Variants in SPIN2A observed in about 807,000 individuals in gnomAD.
SPIN2A encodes the protein spindlin family member 2A.
Under a neutral mutation model 9.2 loss-of-function variants are expected in SPIN2A, and 4 were observed. The ratio of observed to expected loss-of-function variants is 0.44; its 90% confidence interval spans 0.21 to 1.00. The LOEUF (loss-of-function observed/expected upper bound fraction) is 1.00, where lower values mean the gene tolerates loss of function less well. SPIN2A is among the 50% of genes least tolerant of loss of function. The pLI is 0.26. For missense variants in SPIN2A, 77 were observed against 172.8 expected (o/e 0.45, Z 3.11); for synonymous variants, 25 against 61.2 (o/e 0.41, Z 2.76).
chrX:57,139,945 T>C (rs1016976592), upstream of SPIN2A, among the ~76,000 whole-genome samples: 1 of 112,246 alleles, frequency 8.9e-6, no homozygotes, highest in African/African-American at 3.2e-5. Flanking sequence ...TGTAGATAAC[T>C]TGGAGTAGTA....
At chrX:57,139,673 C>T (rs922884834), upstream of SPIN2A, among the ~76,000 whole-genome samples, 1 of 111,339 alleles carries the variant, frequency 9.0e-6, no homozygotes, top group Non-Finnish European at 1.9e-5. Flanking sequence ...CCAGGATGGT[C>T]TCGATCTCCT....
upstream of SPIN2A, among the ~76,000 whole-genome samples, chrX:57,139,730 A>G (rs367877785): frequency 1.7e-3 from 195 of 111,964 alleles, 2 homozygotes; most frequent in African/African-American, 6.1e-3. Context: ...CTGGGATTAC[A>G]AGTGTGAGCC....
downstream of SPIN2A, chrX:57,135,567 T>G: frequency 8.0e-6 from 4 of 502,101 alleles, no homozygotes; most frequent in Non-Finnish European, 9.5e-6. Flanking sequence ...CAGCCGAAAT[T>G]GACAGCTGTT....
chrX:57,138,404 G>A (rs1484841824), upstream of SPIN2A, among the ~76,000 whole-genome samples: 2 of 109,680 alleles, frequency 1.8e-5, no homozygotes, highest in Non-Finnish European at 3.8e-5. Flanking sequence ...TTAATCTATG[G>A]TGGAATAATA....
upstream of SPIN2A, chrX:57,137,398 C>G (rs1331494267): frequency 1.6e-5 from 12 of 740,467 alleles, no homozygotes; most frequent in Non-Finnish European, 1.9e-5. Flanking sequence ...AGGCAAAGAG[C>G]ACTGCAGCGG....
At chrX:57,143,948 T>G in the SPIN2A span, among the ~76,000 whole-genome samples, 94 of 112,219 alleles carry the variant, frequency 8.4e-4, 1 homozygote, top group African/African-American at 2.9e-3. Flanking sequence ...CCTTTCAGAT[T>G]GAAGAACACA....
At position 57,136,016 on chromosome X, in the gene SPIN2A, C is replaced by G. The variant is rs1420933391; in HGVS notation, c.582G>C (p.Glu194Asp). The change falls in exon 2 of 2, where the codon GAG (glutamate) becomes GAC (aspartate). Residue 194 changes from glutamate to aspartate, a missense_variant. Glu to Asp is a conservative substitution (Grantham distance 45, BLOSUM62 2). Around this residue, in one of 4 missense-constraint regions of SPIN2A, gnomAD observed 7 missense variants for 32.0 expected, o/e 0.22. Transcript: ENST00000374906. The stretch of plus-strand genomic sequence containing the variant: ...CTGGCTCCCTCTCTGTTGGAGGAGA[C>G]TCACTGGATTCTGGCATGATGCGGA... ...GDLRIMPESS[E>D]SPPTEREPGG... 1 of 1,202,079 alleles carries G rather than the reference C, an allele frequency of 8.3e-7. No individual in the cohort carries two copies. The highest frequency in any genetic ancestry group is 1.8e-5 in the African/African-American group (1 of 55,065).
chrX:57,136,929 C>CG, intron 1 of SPIN2A: 1 of 759,380 alleles, frequency 1.3e-6, no homozygotes, highest in Non-Finnish European at 1.8e-6. Flanking sequence ...CCCTGCAAAG[C>CG]GGCCTTGACC....
chrX:57,145,261 G>A, the SPIN2A span, among the ~76,000 whole-genome samples: 11 of 106,804 alleles, frequency 1.0e-4, no homozygotes, highest in Non-Finnish European at 2.1e-4. Context: ...TTTGGGGGGG[G>A]GTAAGGTGGT....
chrX:57,138,539 C>T (rs1003892517), upstream of SPIN2A, among the ~76,000 whole-genome samples: 1 of 110,674 alleles, frequency 9.0e-6, no homozygotes, highest in Non-Finnish European at 1.9e-5. Flanking sequence ...GCAGATAGCT[C>T]GTTGATATGC....
Position 57,136,583 on chromosome X carries a change from G to C in SPIN2A, c.15C>G (p.Asn5Lys). Reference sequence around the variant, plus strand: ...TTTGTTGCCCTTCGGCTTCCTGTGCGTTGGGGGTCTTCATGCCTGCTGGGG... The same window carrying C: ...TTTGTTGCCCTTCGGCTTCCTGTGCCTTGGGGGTCTTCATGCCTGCTGGGG... MKTPNAQEAEGQQTR... is the reference protein window; with the variant it reads MKTPKAQEAEGQQTR... Residue 5 changes from asparagine (N) to lysine (K), a missense_variant, in exon 2 of 2, where the codon AAC becomes AAG. This residue lies in a region of SPIN2A where 17 missense variants were observed against 73.2 expected (regional missense o/e 0.23). Coordinates refer to ENST00000374906, the MANE Select transcript of SPIN2A (RefSeq NM_019003.5). The C allele has an allele frequency of 5.0e-6, 2 of 400,092 alleles. No homozygotes were observed. Among genetic ancestry groups the C allele is most frequent in the Non-Finnish European group, 8.1e-6 (2 of 246,051 alleles). 33.0% of individuals were successfully genotyped at this position (400,092 alleles called of 1,213,427 possible). A position where few individuals can be genotyped will look rare whatever the true frequency, so the allele number is the denominator to read the frequency against.
upstream of SPIN2A, among the ~76,000 whole-genome samples, chrX:57,141,479 T>C (rs1410929425): frequency 2.7e-5 from 3 of 111,999 alleles, no homozygotes; most frequent in African/African-American, 3.2e-5. Context: ...TCCTATTTGA[T>C]TTTTTGGAAT....
chrX:57,139,154 CAA>C (rs1163675330), upstream of SPIN2A, among the ~76,000 whole-genome samples: 1 of 111,914 alleles, frequency 8.9e-6, no homozygotes, highest in Non-Finnish European at 1.9e-5. Context: ...AGCTTTTTCC[CAA>C]AGTTTTCTTC....
In SPIN2A at chrX:57,136,586, G is replaced by A; in HGVS notation, c.12C>T (p.Pro4=). The change falls in exon 2 of 2, where the codon CCC becomes CCT. Residue 4 remains proline (P), a synonymous_variant. Transcript: ENST00000374906. ...GTTGCCCTTCGGCTTCCTGTGCGTT[G>A]GGGGTCTTCATGCCTGCTGGGGGAG... is the stretch of plus-strand genomic sequence containing the variant. MKT[P]NAQEAEGQQT... 1 of 398,977 alleles carries A rather than the reference G, an allele frequency of 2.5e-6. No homozygotes were observed. The highest frequency in any genetic ancestry group is 5.4e-5 in the Admixed American group (1 of 18,374). 32.9% of individuals were successfully genotyped at this position (398,977 alleles called of 1,213,427 possible).
the SPIN2A span, among the ~76,000 whole-genome samples, chrX:57,144,115 C>T: frequency 8.9e-6 from 1 of 112,037 alleles, no homozygotes; most frequent in Non-Finnish European, 1.9e-5. Flanking sequence ...TTTCCTTCTG[C>T]ACTTTCAATA....
chrX:57,135,501 C>G (rs1325083733), downstream of SPIN2A: 2 of 311,388 alleles, frequency 6.4e-6, no homozygotes, highest in Non-Finnish European at 1.1e-5. Context: ...ACCAGACCAG[C>G]TAAATCCAGT....
Position 57,136,089 on chromosome X carries a change from G to T in SPIN2A, c.509C>A (p.Pro170His), listed in dbSNP as rs146238797. The change falls in exon 2 of 2, where the codon CCT becomes CAT. Residue 170 changes from proline (P) to histidine (H), a missense_variant. Around this residue, in one of 4 missense-constraint regions of SPIN2A, gnomAD observed 7 missense variants for 32.0 expected, o/e 0.22. Transcript: ENST00000374906. ...TAGAAGCTGGTACATGTACAAGACA[G>T]GATCTTTCTCATAGGTAATATAAAA... is the stretch of plus-strand genomic sequence containing the variant. ...AWFYITYEKD[P>H]VLYMYQLLDD... 4.2e-5 allele frequency: 51 copies of T among 1,201,359 alleles called. No individual in the cohort carries two copies. In the African/African-American group the frequency reaches 8.9e-4, roughly 21 times the overall value.
chrX:57,144,882 CTATA>C, the SPIN2A span, among the ~76,000 whole-genome samples: 8 of 103,556 alleles, frequency 7.7e-5, no homozygotes, highest in African/African-American at 1.1e-4. Context: ...TAGTATTCCA[CTATA>C]TATATATATA....
chrX:57,135,676 T>A lies in SPIN2A; in HGVS notation c.*145A>T. The A allele has an allele frequency of 9.2e-7, 1 of 1,084,295 alleles. No individual in the cohort carries two copies. Among genetic ancestry groups the A allele is most frequent in the Non-Finnish European group, 1.2e-6 (1 of 826,622 alleles). The allele number at this position is 1,084,295 out of a possible 1,213,427, so 89.4% of individuals were successfully genotyped here. On this transcript the variant is annotated 3_prime_UTR_variant, in exon 2 of 2. Transcript: ENST00000374906. The stretch of plus-strand genomic sequence containing the variant: ...CATGTATTCACAAATTTGTATTTTT[T>A]AGAGCAAAACAACAGTTAATGCTGG...
Sources: gnomAD v4.1 joint callset for allele counts (sites outside exome capture counted in the v4.1 genomes callset) on GRCh38, gnomAD v4.1.1 for gene constraint, gnomAD v4.1.1 regional missense constraint, MANE v1.5 for transcripts, NCBI Gene and HGNC (gene_info 2026-07-23, HGNC 2026-07-21) for gene names.